The following TLK1 variants were observed in gnomAD, a reference collection of about 807,000 sequenced individuals.
The protein encoded by TLK1 is serine/threonine-protein kinase tousled-like 1.
In TLK1, 24 loss-of-function variants were observed where a neutral mutation model predicts 105.3. The observed-to-expected ratio is 0.23, with a 90% CI of 0.17 to 0.32. The LOEUF is 0.32. TLK1 is among the 10% of genes least tolerant of loss of function. The pLI is 1.00. For missense variants in TLK1, 558 were observed against 910.5 expected (o/e 0.61, Z 4.98); for synonymous variants, 321 against 310.4 (o/e 1.03, Z -0.36).
At chr2:170,994,658 C>A (rs1396738427) in intron 20 of TLK1, 2 of 515,700 alleles carry the variant, frequency 3.9e-6, no homozygotes, top group Non-Finnish European at 7.7e-6. Context: ...AGAAAAAGAA[C>A]CTCTGAATCC....
At chr2:171,214,513 A>AT (rs1387963309) in intron 1 of TLK1, among the ~76,000 whole-genome samples, 1 of 152,142 alleles carries the variant, frequency 6.6e-6, no homozygotes, top group Non-Finnish European at 1.5e-5. Context: ...AATTGATACA[A>AT]TTTTAACAGT....
chr2:171,187,624 A>G (rs952629534), intron 1 of TLK1, among the ~76,000 whole-genome samples: 2 of 152,198 alleles, frequency 1.3e-5, no homozygotes, highest in African/African-American at 4.8e-5. Context: ...TTTTTGAGCT[A>G]CTGGCTTTTG....
At chr2:171,179,964 A>G (rs7560360) in intron 1 of TLK1, among the ~76,000 whole-genome samples, 73,205 of 151,760 alleles carry the variant, frequency 0.48, 20,042 homozygotes, top group African/African-American at 0.76. Flanking sequence ...GTGTGGTGGC[A>G]TGTGGCTGTA....
At chr2:171,219,437 C>T (rs1050572852) in intron 1 of TLK1, among the ~76,000 whole-genome samples, 7 of 152,142 alleles carry the variant, frequency 4.6e-5, no homozygotes, top group African/African-American at 7.2e-5. Context: ...GGCTTATAAG[C>T]AACAGAAATG....
intron 2 of TLK1, among the ~76,000 whole-genome samples, chr2:171,089,102 G>A (rs1005308838): frequency 5.9e-5 from 9 of 152,142 alleles, no homozygotes; most frequent in East Asian, 1.9e-4. Flanking sequence ...GGCTGATCTC[G>A]AACTCCTGGC....
At chr2:171,166,705 G>A (rs113474749) in intron 1 of TLK1, among the ~76,000 whole-genome samples, 5 of 152,296 alleles carry the variant, frequency 3.3e-5, no homozygotes, top group African/African-American at 1.2e-4. Context: ...TCTCTGACCT[G>A]GCAGTTCCGT....
chr2:171,101,167 G>A (rs1689672085), intron 2 of TLK1, among the ~76,000 whole-genome samples: 1 of 152,014 alleles, frequency 6.6e-6, no homozygotes, highest in Non-Finnish European at 1.5e-5. Context: ...CCAACATGGT[G>A]AGACCTCATC....
chr2:171,191,407 C>A (rs145349169), intron 1 of TLK1, among the ~76,000 whole-genome samples: 12 of 152,020 alleles, frequency 7.9e-5, no homozygotes, highest in East Asian at 7.7e-4. Flanking sequence ...ACCACCCCCC[C>A]CTCTAAAAAA....
At chr2:171,033,865 T>C (rs1686176537) in intron 11 of TLK1, among the ~76,000 whole-genome samples, 2 of 148,566 alleles carry the variant, frequency 1.3e-5, no homozygotes, top group African/African-American at 2.5e-5. Context: ...AAATCATATA[T>C]GTTAAGGGTT....
chr2:171,022,317 C>T (rs983209521), intron 12 of TLK1, among the ~76,000 whole-genome samples: 1 of 152,068 alleles, frequency 6.6e-6, no homozygotes, highest in Admixed American at 6.6e-5. Flanking sequence ...CATGTTCTCT[C>T]ACCACAGTCA....
At chr2:171,096,603 C>T (rs1029113583) in intron 2 of TLK1, among the ~76,000 whole-genome samples, 14 of 151,682 alleles carry the variant, frequency 9.2e-5, no homozygotes, top group Non-Finnish European at 2.9e-5. Context: ...CCAAAAAATA[C>T]AAAAATTAGC....
chr2:171,146,630 T>G (rs1443109386), intron 1 of TLK1, among the ~76,000 whole-genome samples: 1 of 152,162 alleles, frequency 6.6e-6, no homozygotes, highest in Admixed American at 6.5e-5. Flanking sequence ...TTTGGGCTCT[T>G]GATAAAAATA....
chr2:171,013,169 C>T (rs1344652196), intron 13 of TLK1, among the ~76,000 whole-genome samples: 1 of 151,824 alleles, frequency 6.6e-6, no homozygotes, highest in Non-Finnish European at 1.5e-5. Flanking sequence ...CCCACCACAA[C>T]GCTGGGCTAG....
At chr2:171,161,397 C>T (rs1006020238), upstream of TLK1, among the ~76,000 whole-genome samples, 3 of 152,100 alleles carry the variant, frequency 2.0e-5, no homozygotes, top group South Asian at 2.1e-4. Context: ...CTTTCTTGCC[C>T]CTCTGTACTG....
chr2:171,037,456 A>AAC (rs1686416829), intron 11 of TLK1, among the ~76,000 whole-genome samples: 1 of 151,512 alleles, frequency 6.6e-6, no homozygotes, highest in South Asian at 2.1e-4. Flanking sequence ...AAAAAAAAAA[A>AAC]CAGAGGCATG....
rs936905212 is a variant in TLK1, at chr2:170,991,636, G to C, written c.*2144C>G. On this transcript the variant is annotated 3_prime_UTR_variant, in exon 21 of 21. Transcript: ENST00000431350. ...CACTAGCAGTCGCTCTCATTCATTT[G>C]AAAGTAAAATGGTAAAGCAGTGATC... 1.3e-5 allele frequency: 2 copies of C among 152,104 alleles called. No individual in the cohort carries two copies. The highest frequency in any genetic ancestry group is 2.4e-5 in the African/African-American group (1 of 41,408). 9.4% of individuals were successfully genotyped at this position (152,104 alleles called of 1,614,324 possible).
In TLK1 at chr2:171,014,845, AC is replaced by A; in HGVS notation, c.1334+5del. 1 of 1,598,226 alleles carries A rather than the reference AC, an allele frequency of 6.3e-7. No homozygotes were observed. The highest frequency in any genetic ancestry group is 8.6e-7 in the Non-Finnish European group (1 of 1,166,274). On this transcript the variant is annotated splice_donor_5th_base_variant and intron_variant, in intron 13 of 20. Transcript: ENST00000431350. ...ATGAAACTGTGAAATGCAAATAATGACTTACTGTGAATTATCTTCATTGTTT... is the reference window on the plus strand; with the variant it reads ...ATGAAACTGTGAAATGCAAATAATGATTACTGTGAATTATCTTCATTGTTT...
At chr2:171,035,758 T>C (rs568854500) in intron 11 of TLK1, among the ~76,000 whole-genome samples, 6 of 152,128 alleles carry the variant, frequency 3.9e-5, no homozygotes, top group Non-Finnish European at 8.8e-5. Context: ...GGAGGCAGTG[T>C]CAGAATCAGA....
At chr2:171,172,050 A>G (rs1471259870) in intron 1 of TLK1, among the ~76,000 whole-genome samples, 5 of 152,268 alleles carry the variant, frequency 3.3e-5, no homozygotes, top group Non-Finnish European at 5.9e-5. Flanking sequence ...AATAAATTAT[A>G]GAATATTCAC....
Sources: allele counts gnomAD v4.1 joint callset (sites outside exome capture counted in the v4.1 genomes callset), GRCh38; gene constraint gnomAD v4.1.1; transcripts MANE v1.5; gene names NCBI Gene and HGNC (gene_info 2026-07-23, HGNC 2026-07-21).